The following PPP2R3A variants were observed in gnomAD, a reference collection of about 807,000 sequenced individuals.
PPP2R3A encodes the protein serine/threonine-protein phosphatase 2A regulatory subunit B'' subunit alpha.
PPP2R3A carries 80 observed loss-of-function variants against 106.9 expected under a neutral mutation model. The ratio of observed to expected loss-of-function variants is 0.75; its 90% CI spans 0.62 to 0.90. The LOEUF (loss-of-function observed/expected upper bound fraction) is 0.90, where lower values mean the gene tolerates loss of function less well. Among genes scored for constraint, PPP2R3A ranks in the 40% least tolerant of loss-of-function variants. PPP2R3A has a pLI of 0.00. For missense variants in PPP2R3A, 1,386 were observed against 1,350.4 expected (o/e 1.03, Z -0.41); for synonymous variants, 483 against 468.3 (o/e 1.03, Z -0.41).
chr3:136,131,616 C>T (rs112139168), intron 13 of PPP2R3A, among the ~76,000 whole-genome samples: 5,036 of 152,186 alleles, frequency 0.033, 299 homozygotes, highest in African/African-American at 0.11. Context: ...GATTCCTCAA[C>T]GATCTAGAAC....
chr3:136,060,225 G>A (rs761365053), intron 5 of PPP2R3A, among the ~76,000 whole-genome samples: 3 of 152,230 alleles, frequency 2.0e-5, no homozygotes, highest in Non-Finnish European at 2.9e-5. Context: ...CAACATGGAT[G>A]AATTTGGATG....
At chr3:136,113,091 C>T (rs1368519633) in intron 13 of PPP2R3A, among the ~76,000 whole-genome samples, 1 of 151,900 alleles carries the variant, frequency 6.6e-6, no homozygotes, top group Non-Finnish European at 1.5e-5. Flanking sequence ...TGGGATCACA[C>T]CACTGCACTC....
At chr3:136,005,534 T>C (rs1933812643) in intron 2 of PPP2R3A, among the ~76,000 whole-genome samples, 1 of 152,160 alleles carries the variant, frequency 6.6e-6, no homozygotes, top group Non-Finnish European at 1.5e-5. Flanking sequence ...ATCTCCTCAT[T>C]TGTTGGTTCA....
At chr3:136,042,442 G>A (rs909568150) in intron 4 of PPP2R3A, among the ~76,000 whole-genome samples, 13 of 152,158 alleles carry the variant, frequency 8.5e-5, no homozygotes, top group African/African-American at 2.2e-4. Flanking sequence ...GCCACAGCAC[G>A]TGTTTATCTA....
intron 1 of PPP2R3A, among the ~76,000 whole-genome samples, chr3:135,985,503 A>G (rs535837170): frequency 6.6e-6 from 1 of 152,126 alleles, no homozygotes; most frequent in Non-Finnish European, 1.5e-5. Context: ...ATGCATGCCA[A>G]GTTCCCTCCT....
At chr3:136,056,746 A>C (rs80215878) in intron 5 of PPP2R3A, among the ~76,000 whole-genome samples, 2,034 of 152,252 alleles carry the variant, frequency 0.013, 46 homozygotes, top group African/African-American at 0.047. Context: ...CAAAGTAAAA[A>C]ACTTCTGCAC....
intron 1 of PPP2R3A, among the ~76,000 whole-genome samples, chr3:135,998,303 T>G (rs1933486592): frequency 6.6e-6 from 1 of 152,252 alleles, no homozygotes; most frequent in Non-Finnish European, 1.5e-5. Context: ...AAACTTTTCC[T>G]GACTCCTCAG....
chr3:135,991,256 A>T (rs565267417), intron 1 of PPP2R3A, among the ~76,000 whole-genome samples: 41 of 152,304 alleles, frequency 2.7e-4, no homozygotes, highest in African/African-American at 8.2e-4. Flanking sequence ...AATGTTTATT[A>T]AACTGTGTTG....
intron 2 of PPP2R3A, among the ~76,000 whole-genome samples, chr3:136,006,502 T>G (rs1413986436): frequency 6.6e-6 from 1 of 152,192 alleles, no homozygotes; most frequent in African/African-American, 2.4e-5. Flanking sequence ...GTAGTCTTAT[T>G]TGCCCTTTGC....
chr3:136,128,805 T>G (rs561699739), intron 13 of PPP2R3A, among the ~76,000 whole-genome samples: 2 of 151,966 alleles, frequency 1.3e-5, no homozygotes, highest in Non-Finnish European at 2.9e-5. Context: ...GAACAGAAAT[T>G]ATAACAAACT....
chr3:135,994,371 C>T (rs189051621), intron 1 of PPP2R3A, among the ~76,000 whole-genome samples: 71 of 152,284 alleles, frequency 4.7e-4, no homozygotes, highest in Non-Finnish European at 8.4e-4. Flanking sequence ...CCTCCCAGCA[C>T]ATCAACTTTC....
chr3:136,098,120 C>G (rs759204774), intron 10 of PPP2R3A, among the ~76,000 whole-genome samples: 1 of 152,192 alleles, frequency 6.6e-6, no homozygotes, highest in Non-Finnish European at 1.5e-5. Context: ...TTTGCCCACT[C>G]TGGGCAACAT....
At chr3:136,007,874 A>G (rs1048483924) in intron 2 of PPP2R3A, among the ~76,000 whole-genome samples, 6 of 152,052 alleles carry the variant, frequency 3.9e-5, no homozygotes, top group African/African-American at 1.5e-4. Flanking sequence ...TTGTTTGTTT[A>G]TTTGTTTTTG....
At chr3:136,008,693 T>C (rs1933935193) in intron 2 of PPP2R3A, among the ~76,000 whole-genome samples, 1 of 152,204 alleles carries the variant, frequency 6.6e-6, no homozygotes, top group South Asian at 2.1e-4. Context: ...GTACATATGC[T>C]CAATATTATT....
Position 136,023,033 on chromosome 3 carries a change from G to T in PPP2R3A, c.1996-3799G>T, listed in dbSNP as rs116821585. 1,503 of 1,611,486 alleles carry T rather than the reference G, an allele frequency of 9.3e-4. 10 individuals carry two copies. The African/African-American group carries it at 0.016, about 17-fold the overall frequency. On this transcript the variant is annotated intron_variant, in intron 2 of 13. Transcript: ENST00000264977. ...TAAATCTGATTATCTTCAGAAGTGT[G>T]CTGGACAGTTGCGAAGTAAACATTT...
Position 136,001,876 on chromosome 3 carries a change from A to G in PPP2R3A, c.378A>G (p.Glu126=), listed in dbSNP as rs746537172. The stretch of plus-strand genomic sequence containing the variant: ...GTTTTGCCAGTGGGAAAATAAAAGA[A>G]TTTTCCTTTGAAAAACTCAAAAACT... The part of the protein sequence containing the change: ...AISFASGKIK[E]FSFEKLKNSN... Residue 126 remains glutamate, a synonymous_variant, in exon 2 of 14, where the codon GAA becomes GAG. Coordinates refer to ENST00000264977, the MANE Select transcript of PPP2R3A (RefSeq NM_002718.5). 1.9e-6 allele frequency: 3 copies of G among 1,613,982 alleles called. No individual in the cohort carries two copies. The highest frequency in any genetic ancestry group is 2.2e-5 in the South Asian group (2 of 91,074).
chr3:136,111,485 TA>T (rs1937591384), intron 13 of PPP2R3A, among the ~76,000 whole-genome samples: 1 of 152,144 alleles, frequency 6.6e-6, no homozygotes, highest in Non-Finnish European at 1.5e-5. Context: ...GCAAGTTACC[TA>T]AACTCCGCTC....
At chr3:136,091,392 G>A (rs892213304) in intron 10 of PPP2R3A, among the ~76,000 whole-genome samples, 3 of 152,156 alleles carry the variant, frequency 2.0e-5, no homozygotes, top group African/African-American at 7.2e-5. Context: ...AGGCAGGAGG[G>A]ATTGCTTGAG....
intron 1 of PPP2R3A, among the ~76,000 whole-genome samples, chr3:135,994,886 C>A (rs1176137318): frequency 6.6e-6 from 1 of 152,198 alleles, no homozygotes; most frequent in Admixed American, 6.5e-5. Flanking sequence ...AATCCAGTTC[C>A]TCTCCATCCT....
Sources: gnomAD v4.1 joint callset for allele counts (sites outside exome capture counted in the v4.1 genomes callset) on GRCh38, gnomAD v4.1.1 for gene constraint, MANE v1.5 for transcripts, NCBI Gene and HGNC (gene_info 2026-07-23, HGNC 2026-07-21) for gene names.